TSGA10: variants seen among roughly 807,000 people sequenced by gnomAD.
TSGA10 encodes testis-specific gene 10 protein.
A neutral mutation model predicts 96.6 loss-of-function variants in TSGA10; 43 were observed. That is an observed-to-expected ratio of 0.44 (90% CI 0.35 to 0.57). TSGA10 has a LOEUF of 0.57. Ranked by LOEUF, TSGA10 falls within the 20% of genes least tolerant of loss-of-function variation. The pLI, the probability that TSGA10 is intolerant of heterozygous loss-of-function variation, is 0.01. For missense variants in TSGA10, 703 were observed against 834.4 expected, an observed-to-expected ratio of 0.84 and a Z score of 1.94; for synonymous variants, 229 against 269.9, an observed-to-expected ratio of 0.85 and a Z score of 1.48.
At chr2:99,103,004 C>T (rs2090944157) in intron 10 of TSGA10, among the ~76,000 whole-genome samples, 1 of 150,508 alleles carries the variant, frequency 6.6e-6, no homozygotes, top group Non-Finnish European at 1.5e-5. Context: ...TTGAAACATG[C>T]TAAATATTCT....
chr2:99,103,232 C>T (rs1407312117), intron 10 of TSGA10, among the ~76,000 whole-genome samples: 1 of 152,026 alleles, frequency 6.6e-6, no homozygotes, highest in Non-Finnish European at 1.5e-5. Context: ...CACAGGTAAA[C>T]ATGTGCCACG....
intron 1 of TSGA10, among the ~76,000 whole-genome samples, chr2:99,144,944 G>A (rs1361438869): frequency 2.0e-5 from 3 of 152,198 alleles, no homozygotes; most frequent in East Asian, 3.9e-4. Context: ...GTGCTTGCTA[G>A]TAGAGTTGTT....
intron 1 of TSGA10, among the ~76,000 whole-genome samples, chr2:99,147,943 C>T (rs113967851): frequency 1.7e-4 from 26 of 152,292 alleles, no homozygotes; most frequent in African/African-American, 5.5e-4. Flanking sequence ...GCATTTATCA[C>T]ATTGATCCAA....
chr2:99,038,300 C>T lies in TSGA10; in HGVS notation c.1405-2861G>A, dbSNP rs115846744. On this transcript the variant is annotated intron_variant, in intron 16 of 20. Transcript: ENST00000393483. ...TAGCATAATGAATAATAGTACCTCA[C>T]ATCTCAATACTAACATTGAATGTAA... Among the ~76,000 whole-genome samples the T allele has an allele frequency of 8.4e-4, 128 of 152,184 alleles. 1 individual carries two copies. Among genetic ancestry groups the T allele is most frequent in the Admixed American group, 6.8e-3 (104 of 15,288 alleles).
Position 99,046,198 on chromosome 2 carries a change from G to A in TSGA10, c.1405-10759C>T, listed in dbSNP as rs191469855. 9.6e-3 allele frequency among the ~76,000 whole-genome samples: 1,454 copies of A among 152,218 alleles called. 14 individuals are homozygous for A. The highest frequency in any genetic ancestry group is 0.033 in the African/African-American group (1,379 of 41,530). On this transcript the variant is annotated intron_variant, in intron 16 of 20. Transcript: ENST00000393483. The stretch of plus-strand genomic sequence containing the variant: ...AAGTTAACAAGGATACCCAGGAATT[G>A]AACTCAGCTCTGCACCAAGCAGACC...
intron 1 of TSGA10, chr2:99,150,435 A>C: frequency 9.3e-7 from 1 of 1,075,190 alleles, no homozygotes; most frequent in Non-Finnish European, 1.3e-6. Flanking sequence ...CCATGAAGTT[A>C]GGGAAATTCC....
intron 20 of TSGA10, among the ~76,000 whole-genome samples, chr2:99,005,996 A>G (rs1426598862): frequency 6.6e-6 from 1 of 152,234 alleles, no homozygotes; most frequent in Non-Finnish European, 1.5e-5. Context: ...CCGCATATCT[A>G]CAACCATCTG....
At chr2:99,065,934 G>A (rs972768) in intron 15 of TSGA10, among the ~76,000 whole-genome samples, 1 of 151,998 alleles carries the variant, frequency 6.6e-6, no homozygotes, top group East Asian at 1.9e-4. Context: ...ATAATAGACC[G>A]AGTAATCATT....
chr2:99,145,678 TAACA>T (rs2093624649), intron 1 of TSGA10, among the ~76,000 whole-genome samples: 1 of 152,152 alleles, frequency 6.6e-6, no homozygotes, highest in East Asian at 1.9e-4. Context: ...CCACATAACA[TAACA>T]TAGTCCCAGC....
chr2:99,001,247 C>T (rs1301936481), intron 20 of TSGA10, among the ~76,000 whole-genome samples: 1 of 152,056 alleles, frequency 6.6e-6, no homozygotes, highest in Non-Finnish European at 1.5e-5. Flanking sequence ...CCTCATACAG[C>T]CAGGTGCCCC....
rs559252800 is a variant in TSGA10 at position 99,046,149 on chromosome 2, C to T, written c.1405-10710G>A. Among the ~76,000 whole-genome samples, 334 of 152,236 alleles carry T rather than the reference C, an allele frequency of 2.2e-3. 1 individual carries two copies. Among genetic ancestry groups the T allele is most frequent in the African/African-American group, 7.1e-3 (294 of 41,538 alleles). ...GGAGACTTTAACACCCCACTGTCAA[C>T]ATTAGACAGATCAGCGAGACAGAAA... On this transcript the variant is annotated intron_variant, in intron 16 of 20. Coordinates refer to ENST00000393483, the MANE Select transcript of TSGA10 (RefSeq NM_025244.4).
chr2:99,067,242 G>A (rs754228372), intron 15 of TSGA10, among the ~76,000 whole-genome samples: 21 of 152,170 alleles, frequency 1.4e-4, no homozygotes, highest in Non-Finnish European at 2.8e-4. Flanking sequence ...ATGAGTGAAT[G>A]AATGAAGTAC....
intron 16 of TSGA10, among the ~76,000 whole-genome samples, chr2:99,042,537 G>C (rs1558818328): frequency 6.6e-6 from 1 of 152,160 alleles, no homozygotes; most frequent in Non-Finnish European, 1.5e-5. Context: ...GGGTACTGCA[G>C]TAACTGTCTC....
chr2:99,151,576 ATACTT>A (rs1251128917), intron 1 of TSGA10: 1 of 151,282 alleles, frequency 6.6e-6, no homozygotes, highest in Non-Finnish European at 1.5e-5. Context: ...CTGCTTTATG[ATACTT>A]TACTTTCTTA....
Position 99,071,384 on chromosome 2 carries a change from A to G in TSGA10, c.1107+322T>C, listed in dbSNP as rs75252320. 3.9e-5 allele frequency among the ~76,000 whole-genome samples: 3 copies of G among 77,520 alleles called. No homozygotes were observed. In the South Asian group the frequency reaches 1.3e-3, roughly 33 times the overall value. 50.9% of individuals were successfully genotyped at this position (77,520 alleles called of 152,430 possible). A position where few individuals can be genotyped will look rare whatever the true frequency, so the allele number is the denominator to read the frequency against. ...AGAATAATATGTAGTCCATTTTTTT[A>G]AAAAAAAAACACCTATTCTTTTCTT... On this transcript the variant is annotated intron_variant, in intron 14 of 20. Coordinates refer to ENST00000393483, the MANE Select transcript of TSGA10 (RefSeq NM_025244.4).
chr2:99,108,255 A>T (rs567023946), intron 7 of TSGA10, among the ~76,000 whole-genome samples: 14 of 152,280 alleles, frequency 9.2e-5, no homozygotes, highest in Admixed American at 2.6e-4. Flanking sequence ...TATCCCTTAG[A>T]GTAGTGAGCC....
intron 20 of TSGA10, among the ~76,000 whole-genome samples, chr2:99,001,806 T>TA (rs745842035): frequency 2.6e-5 from 4 of 152,204 alleles, no homozygotes; most frequent in Admixed American, 1.3e-4. Flanking sequence ...CTGACGGAGC[T>TA]AAAAACCATG....
At chr2:99,042,638 C>T (rs1280502228) in intron 16 of TSGA10, among the ~76,000 whole-genome samples, 1 of 152,100 alleles carries the variant, frequency 6.6e-6, no homozygotes, top group Admixed American at 6.5e-5. Context: ...ATACTGACTA[C>T]ACATACATAC....
At chr2:99,007,856 A>T (rs988865051) in intron 20 of TSGA10, among the ~76,000 whole-genome samples, 4 of 152,338 alleles carry the variant, frequency 2.6e-5, no homozygotes, top group Admixed American at 2.6e-4. Context: ...CTACAGAATT[A>T]AAAATACCAC....
Sources: allele counts gnomAD v4.1 joint callset (sites outside exome capture counted in the v4.1 genomes callset), GRCh38; gene constraint gnomAD v4.1.1; transcripts MANE v1.5; gene names NCBI Gene and HGNC (gene_info 2026-07-23, HGNC 2026-07-21).